The following ASCC3 variants were observed in gnomAD, a reference collection of about 807,000 sequenced individuals.
ASCC3 encodes activating signal cointegrator 1 complex subunit 3.
Under a neutral mutation model 256.3 loss-of-function variants are expected in ASCC3, and 158 were observed. The observed-to-expected ratio is 0.62, with a 90% CI of 0.54 to 0.70. ASCC3 has a LOEUF of 0.70. Ranked by LOEUF, ASCC3 falls within the 30% of genes least tolerant of loss-of-function variation. ASCC3 has a pLI of 0.00. For synonymous variants in ASCC3, 948 were observed against 883.4 expected, an observed-to-expected ratio of 1.07 and a Z score of -1.30; for missense variants, 2,259 against 2,626.0, an observed-to-expected ratio of 0.86 and a Z score of 3.05.
intron 10 of ASCC3, among the ~76,000 whole-genome samples, chr6:100,735,775 T>C (rs1171085990): frequency 6.6e-6 from 1 of 152,200 alleles, no homozygotes; most frequent in East Asian, 1.9e-4. Context: ...ATGCACTTTA[T>C]ATAAACACAC....
At chr6:100,658,060 A>G (rs754835414) in intron 16 of ASCC3, among the ~76,000 whole-genome samples, 1 of 151,536 alleles carries the variant, frequency 6.6e-6, no homozygotes, top group Non-Finnish European at 1.5e-5. Context: ...GGTAACAAAT[A>G]GAGTATGCTC....
chr6:100,552,302 T>C (rs1321248059), intron 36 of ASCC3, among the ~76,000 whole-genome samples: 1 of 151,936 alleles, frequency 6.6e-6, no homozygotes, highest in African/African-American at 2.4e-5. Context: ...AAAATAAAAT[T>C]TAATTAACCT....
chr6:100,822,875 A>C (rs957244083), intron 4 of ASCC3, among the ~76,000 whole-genome samples: 5 of 152,214 alleles, frequency 3.3e-5, no homozygotes, highest in Non-Finnish European at 5.9e-5. Flanking sequence ...TTAGCTATTC[A>C]ATCCAAAATG....
intron 36 of ASCC3, among the ~76,000 whole-genome samples, chr6:100,555,210 C>T (rs1769508267): frequency 6.6e-6 from 1 of 151,842 alleles, no homozygotes; most frequent in Admixed American, 6.6e-5. Flanking sequence ...TTCTAATATG[C>T]ACATAGTTTA....
chr6:100,851,097 C>T (rs1772643418), intron 3 of ASCC3, among the ~76,000 whole-genome samples: 1 of 152,014 alleles, frequency 6.6e-6, no homozygotes, highest in Admixed American at 6.6e-5. Context: ...AAAGTATCTC[C>T]ATTTTATAGA....
At chr6:100,518,293 T>A (rs1774138741) in intron 37 of ASCC3, 151 bp from the exon 38 acceptor site, 1 of 888,160 alleles carries the variant, frequency 1.1e-6, no homozygotes, top group Non-Finnish European at 1.8e-6. Flanking sequence ...AGAAAATAAA[T>A]CACAGTTGGA....
chr6:100,745,951 C>T (rs947660479), intron 10 of ASCC3, among the ~76,000 whole-genome samples: 2 of 151,608 alleles, frequency 1.3e-5, no homozygotes, highest in African/African-American at 2.4e-5. Flanking sequence ...ATATATCTAT[C>T]GACATAGATA....
rs547454324 is a variant in ASCC3 at position 100,865,183 on chromosome 6, C to T, written c.91-969G>A. On this transcript the variant is annotated intron_variant, in intron 2 of 41. Transcript: ENST00000369162. The stretch of plus-strand genomic sequence containing the variant: ...ATGAATTAAGTTGTTACAATGGAGT[C>T]GTAAGCATATTAAGGTTTATCTTAT... Among the ~76,000 whole-genome samples, 4 of 152,170 alleles carry T rather than the reference C, an allele frequency of 2.6e-5. No homozygotes were observed. In the South Asian group the frequency reaches 6.2e-4, roughly 24 times the overall value.
intron 8 of ASCC3, among the ~76,000 whole-genome samples, chr6:100,767,596 A>T (rs1205989518): frequency 1.7e-5 from 2 of 115,296 alleles, no homozygotes; most frequent in African/African-American, 3.2e-5. Flanking sequence ...TATATTTTAG[A>T]ACACTTTTTG....
At chr6:100,767,400 CA>C (rs1259920443) in intron 8 of ASCC3, 55 bp from the exon 9 acceptor site, 155 of 1,501,862 alleles carry the variant, frequency 1.0e-4, no homozygotes, top group Middle Eastern at 8.6e-4. Flanking sequence ...AGGACCCATA[CA>C]AATCATTATG....
intron 8 of ASCC3, among the ~76,000 whole-genome samples, chr6:100,793,181 C>T (rs1200711222): frequency 2.6e-5 from 4 of 151,726 alleles, no homozygotes; most frequent in Non-Finnish European, 5.9e-5. Context: ...ATCTTAAGAC[C>T]GAAAATTTGG....
rs763891188 is a variant in ASCC3 at position 100,652,867 on chromosome 6, T to C, written c.2846A>G (p.His949Arg). Residue 949 changes from histidine to arginine, a missense_variant, in exon 18 of 42, where the codon CAT becomes CGT. Around this residue, in one of 2 missense-constraint regions of ASCC3, gnomAD observed 1,839 missense variants for 2,206.7 expected, o/e 0.83. Transcript: ENST00000369162. ...AACTTCAATGACCAACTGTTCTCGA[T>C]GCTTTCTTAATGTTGGGTCAATCTA... is the stretch of plus-strand genomic sequence containing the variant. ...AYQIDPTLRK[H>R]REQLVIEVGR... 5.0e-6 allele frequency: 8 copies of C among 1,613,814 alleles called. No individual in the cohort carries two copies. In the Admixed American group the frequency reaches 1.0e-4, roughly 20 times the overall value.
intron 20 of ASCC3, among the ~76,000 whole-genome samples, chr6:100,648,505 A>G (rs1324251217): frequency 6.6e-6 from 1 of 152,022 alleles, no homozygotes; most frequent in East Asian, 1.9e-4. Context: ...CTTTCATTTC[A>G]CATTTTATAT....
intron 8 of ASCC3, among the ~76,000 whole-genome samples, chr6:100,792,217 A>G (rs1262973198): frequency 6.6e-6 from 1 of 151,908 alleles, no homozygotes; most frequent in Non-Finnish European, 1.5e-5. Context: ...CCTAGAAACC[A>G]GTAATACTTC....
chr6:100,841,398 A>T (rs1165289911), intron 4 of ASCC3, among the ~76,000 whole-genome samples: 1 of 152,198 alleles, frequency 6.6e-6, no homozygotes. Flanking sequence ...TTGAAAAAAG[A>T]AAAGATAAAA....
intron 33 of ASCC3, among the ~76,000 whole-genome samples, 183 bp from the exon 34 acceptor site, chr6:100,602,118 G>C (rs1482059603): frequency 6.6e-6 from 1 of 151,874 alleles, no homozygotes; most frequent in Non-Finnish European, 1.5e-5. Context: ...AAATTATTTA[G>C]TGGGAATTTG....
intron 13 of ASCC3, among the ~76,000 whole-genome samples, chr6:100,689,800 T>C (rs1022683102): frequency 6.6e-6 from 1 of 152,162 alleles, no homozygotes; most frequent in Non-Finnish European, 1.5e-5. Flanking sequence ...AGACCTCCCA[T>C]TGCTATTTAT....
chr6:100,669,336 T>C (rs977459104), intron 14 of ASCC3, among the ~76,000 whole-genome samples: 5 of 150,462 alleles, frequency 3.3e-5, no homozygotes, highest in South Asian at 2.1e-4. Context: ...TATATATATA[T>C]ACACAGACAA....
intron 4 of ASCC3, among the ~76,000 whole-genome samples, chr6:100,830,979 C>T (rs1771592066): frequency 6.6e-6 from 1 of 152,132 alleles, no homozygotes; most frequent in Admixed American, 6.5e-5. Flanking sequence ...TTAAAACCAA[C>T]ATAACATCAT....
Sources: allele counts gnomAD v4.1 joint callset (sites outside exome capture counted in the v4.1 genomes callset), GRCh38; gene constraint gnomAD v4.1.1; regional missense constraint gnomAD v4.1.1; transcripts MANE v1.5; gene names NCBI Gene and HGNC (gene_info 2026-07-23, HGNC 2026-07-21).